Variants in CAMKMT observed in about 807,000 individuals in gnomAD.
CAMKMT encodes the protein calmodulin-lysine N-methyltransferase, also known as CaM KMT.
Under a neutral mutation model 48.0 loss-of-function variants are expected in CAMKMT, and 53 were observed. The observed-to-expected ratio is 1.10, with a 90% CI of 0.89 to 1.39. The LOEUF (loss-of-function observed/expected upper bound fraction) is 1.39. Among genes scored for constraint, CAMKMT ranks in the 40% most tolerant of loss-of-function variants. The probability of loss-of-function intolerance (pLI) is 0.00; values close to 1 mark genes in which losing one functional copy is unlikely to be tolerated. For synonymous variants in CAMKMT, 165 were observed against 152.3 expected, an observed-to-expected ratio of 1.08 and a Z score of -0.61; for missense variants, 428 against 402.7, an observed-to-expected ratio of 1.06 and a Z score of -0.54.
intron 3 of CAMKMT, among the ~76,000 whole-genome samples, chr2:44,632,086 G>C (rs1226947224): frequency 6.6e-6 from 1 of 151,340 alleles, no homozygotes; most frequent in Non-Finnish European, 1.5e-5. Context: ...AATTTTCCTT[G>C]AAAGCAACTT....
At chr2:44,675,078 A>AGTG (rs1558788050) in intron 3 of CAMKMT, among the ~76,000 whole-genome samples, 4 of 137,690 alleles carry the variant, frequency 2.9e-5, no homozygotes, top group Non-Finnish European at 6.3e-5. Flanking sequence ...ACCAACCTTA[A>AGTG]GGGGGGGAAA....
Position 44,715,371 on chromosome 2 carries a change from A to G in CAMKMT, c.623+18A>G, listed in dbSNP as rs1250892046. 3 of 1,587,588 alleles carry G rather than the reference A, an allele frequency of 1.9e-6. No homozygotes were observed. Among genetic ancestry groups the G allele is most frequent in the Non-Finnish European group, 2.6e-6 (3 of 1,160,970 alleles). On this transcript the variant is annotated intron_variant, in intron 7 of 10. Transcript: ENST00000378494. The stretch of plus-strand genomic sequence containing the variant: ...TCAAGCTGGTAAGATACCTTTCTGC[A>G]TTAAAAAATTCCCATTGAAATTGCT...
chr2:44,760,718 G>T (rs770893890), intron 9 of CAMKMT, among the ~76,000 whole-genome samples: 74 of 152,088 alleles, frequency 4.9e-4, no homozygotes, highest in Non-Finnish European at 8.8e-4. Flanking sequence ...TTGAGCAGTG[G>T]TGTGGTCAGG....
chr2:44,763,785 A>G (rs1450061502), intron 9 of CAMKMT, among the ~76,000 whole-genome samples: 4 of 152,178 alleles, frequency 2.6e-5, no homozygotes, highest in Admixed American at 6.5e-5. Flanking sequence ...GCTTACCCCA[A>G]CCAGGGCATG....
At chr2:44,440,922 C>G (rs1666616677) in intron 3 of CAMKMT, among the ~76,000 whole-genome samples, 1 of 152,096 alleles carries the variant, frequency 6.6e-6, no homozygotes, top group Non-Finnish European at 1.5e-5. Context: ...CTCCTCTTAA[C>G]TTACATTTTC....
chr2:44,591,471 T>A (rs1670266807), intron 3 of CAMKMT, among the ~76,000 whole-genome samples: 3 of 152,080 alleles, frequency 2.0e-5, no homozygotes, highest in Admixed American at 2.0e-4. Context: ...GTCCTTCACG[T>A]CCCTTGTAAG....
chr2:44,697,563 T>G (rs1677023741), intron 3 of CAMKMT, among the ~76,000 whole-genome samples: 1 of 151,956 alleles, frequency 6.6e-6, no homozygotes, highest in African/African-American at 2.4e-5. Flanking sequence ...CTTTATAAAC[T>G]CCAGAGAAAA....
chr2:44,509,288 C>CA (rs564572087), intron 3 of CAMKMT, among the ~76,000 whole-genome samples: 45 of 150,788 alleles, frequency 3.0e-4, no homozygotes, highest in Non-Finnish European at 5.0e-4. Context: ...TAGACTATTA[C>CA]AAAAAAAAAG....
chr2:44,426,747 C>G (rs1048380848), intron 3 of CAMKMT, among the ~76,000 whole-genome samples: 2 of 152,134 alleles, frequency 1.3e-5, no homozygotes, highest in Non-Finnish European at 2.9e-5. Flanking sequence ...GCCCATACTG[C>G]CCAAAGCAAT....
intron 3 of CAMKMT, among the ~76,000 whole-genome samples, chr2:44,421,566 A>G (rs17032199): frequency 0.087 from 13,229 of 152,198 alleles, 712 homozygotes; most frequent in African/African-American, 0.14. Flanking sequence ...ACATAGATCA[A>G]GGATGTTAAA....
chr2:44,493,656 A>G (rs944269801), intron 3 of CAMKMT, among the ~76,000 whole-genome samples: 3 of 152,156 alleles, frequency 2.0e-5, no homozygotes, highest in Non-Finnish European at 4.4e-5. Context: ...TCCTTTTTGA[A>G]GTGTGACTAA....
At chr2:44,533,156 G>C (rs1666582486) in intron 3 of CAMKMT, among the ~76,000 whole-genome samples, 1 of 151,856 alleles carries the variant, frequency 6.6e-6, no homozygotes, top group Non-Finnish European at 1.5e-5. Flanking sequence ...ATCTGTGTTA[G>C]AAATACAACT....
Position 44,520,898 on chromosome 2 carries a change from G to A in CAMKMT, c.376+130593G>A, listed in dbSNP as rs1259110150. Among the ~76,000 whole-genome samples, 12 of 152,224 alleles carry A rather than the reference G, an allele frequency of 7.9e-5. No homozygotes were observed. In the South Asian group the frequency reaches 1.2e-3, roughly 16 times the overall value. On this transcript the variant is annotated intron_variant, in intron 3 of 10. Transcript: ENST00000378494. The stretch of plus-strand genomic sequence containing the variant: ...GCTTGCATTCATTCTTTCTCCTGCC[G>A]CTCTGTGAAGAGGTGGCTTCTGTCA...
At chr2:44,724,805 G>A (rs978977727) in intron 7 of CAMKMT, among the ~76,000 whole-genome samples, 6 of 152,210 alleles carry the variant, frequency 3.9e-5, no homozygotes, top group African/African-American at 1.4e-4. Flanking sequence ...TTAGTTGTTG[G>A]GATTCAACAA....
intron 3 of CAMKMT, among the ~76,000 whole-genome samples, chr2:44,610,977 G>C (rs979256366): frequency 2.0e-5 from 3 of 152,036 alleles, no homozygotes; most frequent in Non-Finnish European, 2.9e-5. Context: ...AGTGTTAGTG[G>C]GCAGAATAAA....
chr2:44,554,771 G>A (rs1009647132), intron 3 of CAMKMT, among the ~76,000 whole-genome samples: 3 of 152,110 alleles, frequency 2.0e-5, no homozygotes, highest in African/African-American at 7.2e-5. Context: ...AGCTATTTGG[G>A]AGGCTGAGGT....
At chr2:44,607,582 G>A (rs1438500080) in intron 3 of CAMKMT, among the ~76,000 whole-genome samples, 1 of 152,068 alleles carries the variant, frequency 6.6e-6, no homozygotes, top group Non-Finnish European at 1.5e-5. Flanking sequence ...GAAATACTAT[G>A]AATTATTGAT....
intron 2 of CAMKMT, among the ~76,000 whole-genome samples, chr2:44,387,059 A>G (rs143219749): frequency 1.3e-5 from 2 of 152,140 alleles, no homozygotes; most frequent in East Asian, 1.9e-4. Context: ...GTTTAAATCT[A>G]TTGTTTCCTT....
intron 3 of CAMKMT, among the ~76,000 whole-genome samples, chr2:44,550,391 A>G (rs1316263726): frequency 1.3e-5 from 2 of 151,034 alleles, no homozygotes; most frequent in Non-Finnish European, 2.9e-5. Context: ...CTCTGTCTCA[A>G]AAAAAGAAAA....
Sources: gnomAD v4.1 joint callset for allele counts (sites outside exome capture counted in the v4.1 genomes callset) on GRCh38, gnomAD v4.1.1 for gene constraint, MANE v1.5 for transcripts, NCBI Gene and HGNC (gene_info 2026-07-23, HGNC 2026-07-21) for gene names.